Variants in ARSJ observed in about 807,000 individuals in gnomAD.
ARSJ encodes the protein arylsulfatase family member J.
Under a neutral mutation model 35.9 loss-of-function variants are expected in ARSJ, and 26 were observed. The observed-to-expected ratio is 0.72, with a 90% CI of 0.53 to 1.00. The LOEUF is 1.00. Among genes scored for constraint, ARSJ ranks in the 50% least tolerant of loss-of-function variants. The pLI is 0.00. For missense variants in ARSJ, 667 were observed against 723.6 expected (o/e 0.92, Z 0.90); for synonymous variants, 294 against 267.6 (o/e 1.10, Z -0.96).
chr4:113,948,415 A>G (rs1385804025), intron 1 of ARSJ, among the ~76,000 whole-genome samples: 1 of 152,104 alleles, frequency 6.6e-6, no homozygotes, highest in East Asian at 1.9e-4. Flanking sequence ...TTTTCTTCAG[A>G]AATTTTCTTA....
At chr4:113,937,767 C>G (rs1724860210) in intron 1 of ARSJ, among the ~76,000 whole-genome samples, 1 of 151,992 alleles carries the variant, frequency 6.6e-6, no homozygotes, top group South Asian at 2.1e-4. Flanking sequence ...AGAGCCAAAT[C>G]ATGAATGAAC....
rs530733903 is a variant in ARSJ at position 113,941,035 on chromosome 4, T to G, written c.399-37360A>C. 3.2e-4 allele frequency among the ~76,000 whole-genome samples: 49 copies of G among 152,084 alleles called. 1 individual carries two copies. In the South Asian group the frequency reaches 8.7e-3, roughly 27 times the overall value. ...GCTGAGTAGCCTTCAAAGAGTTATC[T>G]CGGAGAGCAAATAGATCTTTCTATT... On this transcript the variant is annotated intron_variant, in intron 1 of 1. Transcript: ENST00000315366.
chr4:113,964,151 A>G (rs1272027078), intron 1 of ARSJ, among the ~76,000 whole-genome samples: 1 of 152,108 alleles, frequency 6.6e-6, no homozygotes. Context: ...AAATAATGAC[A>G]GTGAATTATC....
intron 1 of ARSJ, among the ~76,000 whole-genome samples, chr4:113,955,984 A>G (rs1726156270): frequency 6.6e-6 from 1 of 152,080 alleles, no homozygotes; most frequent in African/African-American, 2.4e-5. Flanking sequence ...ACATTTGAAA[A>G]CATTATTGAA....
intron 1 of ARSJ, among the ~76,000 whole-genome samples, chr4:113,911,547 T>C (rs1431867989): frequency 1.3e-5 from 2 of 152,022 alleles, no homozygotes; most frequent in Non-Finnish European, 2.9e-5. Flanking sequence ...TTAGATATTA[T>C]AAAGAGAGAC....
At chr4:113,934,490 A>G (rs1724648757) in intron 1 of ARSJ, among the ~76,000 whole-genome samples, 1 of 151,796 alleles carries the variant, frequency 6.6e-6, no homozygotes. Flanking sequence ...GCACAGAAAG[A>G]TAAATTTTGC....
chr4:113,959,114 A>C (rs1171259524), intron 1 of ARSJ, among the ~76,000 whole-genome samples: 1 of 152,086 alleles, frequency 6.6e-6, no homozygotes, highest in Admixed American at 6.6e-5. Flanking sequence ...GAGCTGTCTG[A>C]AGAGAACATT....
At chr4:113,936,562 G>A (rs1724778399) in intron 1 of ARSJ, among the ~76,000 whole-genome samples, 2 of 151,668 alleles carry the variant, frequency 1.3e-5, no homozygotes, top group Admixed American at 1.3e-4. Flanking sequence ...AGTGAACTAA[G>A]TTTAAAAAAA....
chr4:113,977,779 C>T (rs1410532654), intron 1 of ARSJ, among the ~76,000 whole-genome samples: 1 of 152,182 alleles, frequency 6.6e-6, no homozygotes, highest in Non-Finnish European at 1.5e-5. Flanking sequence ...CAGAAAATTC[C>T]AGACCTGTGA....
In ARSJ at chr4:113,918,095, A is replaced by G. The variant is rs188183742; in HGVS notation, c.399-14420T>C. Among the ~76,000 whole-genome samples, 370 of 152,310 alleles carry G rather than the reference A, an allele frequency of 2.4e-3. 1 individual carries two copies. Among genetic ancestry groups the G allele is most frequent in the Middle Eastern group, 0.014 (4 of 294 alleles). On this transcript the variant is annotated intron_variant, in intron 1 of 1. Transcript: ENST00000315366. ...AATGAGTAATAAGAATCTCTAATAAACTACCACTTTTGGTCAACTCTTGAT... is the reference window on the plus strand; with the variant it reads ...AATGAGTAATAAGAATCTCTAATAAGCTACCACTTTTGGTCAACTCTTGAT...
chr4:113,951,839 T>G (rs1725881698), intron 1 of ARSJ, among the ~76,000 whole-genome samples: 1 of 152,096 alleles, frequency 6.6e-6, no homozygotes, highest in Admixed American at 6.6e-5. Flanking sequence ...CAGAACTAAC[T>G]CAGAACAAAG....
At chr4:113,919,668 G>C (rs1412759327) in intron 1 of ARSJ, among the ~76,000 whole-genome samples, 1 of 152,126 alleles carries the variant, frequency 6.6e-6, no homozygotes, top group African/African-American at 2.4e-5. Context: ...CTTTGGGAAG[G>C]GGCAGTGTGT....
rs528400068 is a variant in ARSJ, at chr4:113,948,359, C to T, written c.398+30078G>A. Among the ~76,000 whole-genome samples, 33 of 152,164 alleles carry T rather than the reference C, an allele frequency of 2.2e-4. 1 individual carries two copies. The South Asian group carries it at 6.4e-3, about 30-fold the overall frequency. On this transcript the variant is annotated intron_variant, in intron 1 of 1. Transcript: ENST00000315366. Reference sequence around the variant, plus strand: ...TCAGTAAATCCAAATGGTTTACTGACATCAACAGGAAATTTGAATCAGGAA... The same window carrying T: ...TCAGTAAATCCAAATGGTTTACTGATATCAACAGGAAATTTGAATCAGGAA...
intron 1 of ARSJ, among the ~76,000 whole-genome samples, chr4:113,940,678 T>G (rs1240173216): frequency 6.6e-6 from 1 of 151,486 alleles, no homozygotes; most frequent in African/African-American, 2.4e-5. Flanking sequence ...AGACAGAGTA[T>G]CCAGAGAAGG....
intron 1 of ARSJ, among the ~76,000 whole-genome samples, chr4:113,959,253 C>T (rs961753762): frequency 2.0e-5 from 3 of 151,786 alleles, no homozygotes; most frequent in Non-Finnish European, 2.9e-5. Flanking sequence ...TTCTGTTTAC[C>T]CTCAGTTCAG....
At chr4:113,931,774 T>C (rs181116966) in intron 1 of ARSJ, among the ~76,000 whole-genome samples, 1 of 151,882 alleles carries the variant, frequency 6.6e-6, no homozygotes, top group Admixed American at 6.6e-5. Flanking sequence ...TAGAATCAAG[T>C]GGAAACACAA....
chr4:113,949,803 T>C (rs943166113), intron 1 of ARSJ, among the ~76,000 whole-genome samples: 2 of 152,100 alleles, frequency 1.3e-5, no homozygotes, highest in African/African-American at 2.4e-5. Flanking sequence ...TGATGATCTC[T>C]TCACTGTTAA....
At chr4:113,916,962 A>G (rs1213331299) in intron 1 of ARSJ, among the ~76,000 whole-genome samples, 1 of 152,168 alleles carries the variant, frequency 6.6e-6, no homozygotes, top group African/African-American at 2.4e-5. Context: ...CTGTGTTGTA[A>G]TTACTTATAA....
intron 1 of ARSJ, among the ~76,000 whole-genome samples, chr4:113,928,146 A>G (rs1003507994): frequency 1.3e-5 from 2 of 152,108 alleles, no homozygotes; most frequent in African/African-American, 2.4e-5. Flanking sequence ...GAGGACCACA[A>G]TGATGTTTGG....
Sources: allele counts gnomAD v4.1 joint callset (sites outside exome capture counted in the v4.1 genomes callset), GRCh38; gene constraint gnomAD v4.1.1; transcripts MANE v1.5; gene names NCBI Gene and HGNC (gene_info 2026-07-23, HGNC 2026-07-21).